ZDHHC15: variants seen among roughly 807,000 people sequenced by gnomAD.
ZDHHC15 encodes zDHHC palmitoyltransferase 15.
Under a neutral mutation model 31.7 loss-of-function variants are expected in ZDHHC15, and 19 were observed. That is an observed-to-expected ratio of 0.60 (90% CI 0.42 to 0.88). The LOEUF (loss-of-function observed/expected upper bound fraction) is 0.88, where lower values mean the gene tolerates loss of function less well. Ranked by LOEUF, ZDHHC15 falls within the 40% of genes least tolerant of loss-of-function variation. ZDHHC15 has a pLI of 0.00. For missense variants in ZDHHC15, 209 were observed against 251.2 expected (o/e 0.83, Z 1.14); for synonymous variants, 103 against 90.0 (o/e 1.14, Z -0.82).
intron 3 of ZDHHC15, among the ~76,000 whole-genome samples, chrX:75,472,766 C>T (rs1484586957): frequency 2.7e-5 from 3 of 111,832 alleles, no homozygotes; most frequent in African/African-American, 9.8e-5. Flanking sequence ...GGAGGTTATG[C>T]ATGGGCTCAG....
At chrX:75,466,966 T>C (rs887250800) in intron 3 of ZDHHC15, among the ~76,000 whole-genome samples, 3 of 111,594 alleles carry the variant, frequency 2.7e-5, no homozygotes, top group Middle Eastern at 4.7e-3. Flanking sequence ...GATGGGATTA[T>C]CTGTGCAGCA....
chrX:75,520,461 A>T (rs1054163691), intron 1 of ZDHHC15, among the ~76,000 whole-genome samples: 1 of 111,906 alleles, frequency 8.9e-6, no homozygotes, highest in Non-Finnish European at 1.9e-5. Context: ...AGAACTTAGA[A>T]CATTTTCTGG....
Position 75,383,734 on chromosome X carries a change from G to GTTTTTTTTTTT in ZDHHC15, c.968-4537_968-4536insAAAAAAAAAAA, listed in dbSNP as rs541238663. Among the ~76,000 whole-genome samples the GTTTTTTTTTTT allele has an allele frequency of 7.7e-5, 6 of 77,803 alleles. 1 individual carries two copies. The highest frequency in any genetic ancestry group is 2.0e-4 in the Admixed American group (1 of 5,074). The allele number at this position is 77,803 out of a possible 115,157, so 67.6% of individuals were successfully genotyped here. A position where few individuals can be genotyped will look rare whatever the true frequency, so the allele number is the denominator to read the frequency against. On this transcript the variant is annotated intron_variant, in intron 10 of 11. Coordinates refer to ENST00000373367, the MANE Select transcript of ZDHHC15 (RefSeq NM_144969.3). Reference sequence around the variant, plus strand: ...ACTACCCCAAATTTAAGAAATGTTAGGTTTTTTTTTTTTTTTTTTTTTGAG... The same window carrying GTTTTTTTTTTT: ...ACTACCCCAAATTTAAGAAATGTTAGTTTTTTTTTTTGTTTTTTTTTTTTTTTTTTTTTGAG...
intron 9 of ZDHHC15, among the ~76,000 whole-genome samples, chrX:75,417,679 G>C (rs1029098490): frequency 2.7e-5 from 3 of 111,595 alleles, no homozygotes; most frequent in Non-Finnish European, 3.8e-5. Flanking sequence ...CTAGGGGAAA[G>C]AGCCAGAGTG....
At chrX:75,409,795 T>TAAAAAAA (rs1189768393) in intron 10 of ZDHHC15, among the ~76,000 whole-genome samples, 1 of 35,526 alleles carries the variant, frequency 2.8e-5, no homozygotes, top group Non-Finnish European at 4.1e-5. Flanking sequence ...ACCCCATCTC[T>TAAAAAAA]AAAAAAAAAA....
At chrX:75,385,789 C>A (rs1405662338) in intron 10 of ZDHHC15, among the ~76,000 whole-genome samples, 1 of 111,519 alleles carries the variant, frequency 9.0e-6, no homozygotes, top group Non-Finnish European at 1.9e-5. Context: ...TTATCTAAAG[C>A]CTTTTCTGAC....
At chrX:75,447,757 A>G (rs1569334369) in intron 4 of ZDHHC15, among the ~76,000 whole-genome samples, 1 of 111,162 alleles carries the variant, frequency 9.0e-6, no homozygotes, top group African/African-American at 3.3e-5. Flanking sequence ...GTGCTTTGCT[A>G]GTCTAGAGGT....
intron 1 of ZDHHC15, among the ~76,000 whole-genome samples, chrX:75,518,814 C>T (rs199919763): frequency 0.043 from 2,258 of 52,594 alleles, 38 homozygotes; most frequent in East Asian, 0.21. Context: ...TATACACACA[C>T]ACACACACAC....
intron 4 of ZDHHC15, among the ~76,000 whole-genome samples, chrX:75,450,042 C>T (rs774822155): frequency 9.0e-6 from 1 of 111,289 alleles, no homozygotes; most frequent in African/African-American, 3.3e-5. Flanking sequence ...TAGAAACAAC[C>T]CAAGTATGTA....
chrX:75,384,356 C>T (rs891505342), intron 10 of ZDHHC15: 1 of 963,990 alleles, frequency 1.0e-6, no homozygotes, highest in African/African-American at 1.9e-5. Context: ...ATGACGAACA[C>T]AAAGGGAAAG....
intron 11 of ZDHHC15, among the ~76,000 whole-genome samples, chrX:75,376,081 T>C (rs186729728): frequency 7.0e-4 from 78 of 111,344 alleles, no homozygotes; most frequent in Non-Finnish European, 1.9e-4. Context: ...ATTTTTTGAC[T>C]TTTTAATAAT....
At chrX:75,476,480 T>C (rs2084607002) in intron 3 of ZDHHC15, among the ~76,000 whole-genome samples, 1 of 111,157 alleles carries the variant, frequency 9.0e-6, no homozygotes, top group Non-Finnish European at 1.9e-5. Flanking sequence ...ATCTAGGTTA[T>C]CAAATTTAGG....
rs1256916679 is a variant in ZDHHC15, at chrX:75,402,207, A to C, written c.967+14880T>G. On this transcript the variant is annotated intron_variant, in intron 10 of 11. Coordinates refer to ENST00000373367, the MANE Select transcript of ZDHHC15 (RefSeq NM_144969.3). ...TTGAAAATAATTAGATCAAAGATAC[A>C]ACATACCAGAATCTCTGGGACACAG... Among the ~76,000 whole-genome samples, 3 of 112,358 alleles carry C rather than the reference A, an allele frequency of 2.7e-5. No homozygotes were observed. In the South Asian group the frequency reaches 1.1e-3, roughly 42 times the overall value.
chrX:75,384,265 C>T (rs770335979), intron 10 of ZDHHC15: 21 of 521,942 alleles, frequency 4.0e-5, no homozygotes, highest in Admixed American at 7.6e-5. Flanking sequence ...TTAGTATAGG[C>T]CAAGGTATCT....
intron 10 of ZDHHC15, among the ~76,000 whole-genome samples, chrX:75,382,479 T>C (rs1324796338): frequency 8.9e-6 from 1 of 111,828 alleles, no homozygotes; most frequent in Non-Finnish European, 1.9e-5. Context: ...CCCAGTGTAT[T>C]GTGTTTGATG....
At chrX:75,412,357 C>T (rs1391039601) in intron 10 of ZDHHC15, among the ~76,000 whole-genome samples, 1 of 111,574 alleles carries the variant, frequency 9.0e-6, no homozygotes, top group Non-Finnish European at 1.9e-5. Flanking sequence ...CGTAACTAAG[C>T]TATGGAAACA....
chrX:75,495,012 G>T (rs1251716420), intron 2 of ZDHHC15, among the ~76,000 whole-genome samples: 1 of 111,480 alleles, frequency 9.0e-6, no homozygotes, highest in Non-Finnish European at 1.9e-5. Flanking sequence ...CAGAATGGGA[G>T]AAAAGTTTTG....
At chrX:75,422,726 A>C (rs1316608144) in intron 8 of ZDHHC15, among the ~76,000 whole-genome samples, 1 of 111,453 alleles carries the variant, frequency 9.0e-6, no homozygotes, top group African/African-American at 3.3e-5. Flanking sequence ...CTCTAAGCCA[A>C]ATGTGCTAAT....
chrX:75,394,289 A>G (rs964790689), intron 10 of ZDHHC15, among the ~76,000 whole-genome samples: 1 of 111,764 alleles, frequency 8.9e-6, no homozygotes, highest in African/African-American at 3.2e-5. Flanking sequence ...AAAAACAAAA[A>G]CAAAAACAAA....
Sources: gnomAD v4.1 joint callset for allele counts (sites outside exome capture counted in the v4.1 genomes callset) on GRCh38, gnomAD v4.1.1 for gene constraint, MANE v1.5 for transcripts, NCBI Gene and HGNC (gene_info 2026-07-23, HGNC 2026-07-21) for gene names.